Variants in NKAIN2 observed in about 807,000 individuals in gnomAD.
The protein encoded by NKAIN2 is sodium/potassium transporting ATPase interacting 2.
Under a neutral mutation model 32.6 loss-of-function variants are expected in NKAIN2, and 14 were observed. That is an observed-to-expected ratio of 0.43 (90% CI 0.28 to 0.67). The LOEUF is 0.67. Ranked by LOEUF, NKAIN2 falls within the 30% of genes least tolerant of loss-of-function variation. The probability of loss-of-function intolerance (pLI) is 0.17; values close to 1 mark genes in which losing one functional copy is unlikely to be tolerated. For missense variants in NKAIN2, 198 were observed against 258.3 expected, an observed-to-expected ratio of 0.77 and a Z score of 1.60; for synonymous variants, 80 against 87.2, an observed-to-expected ratio of 0.92 and a Z score of 0.46.
intron 4 of NKAIN2, among the ~76,000 whole-genome samples, chr6:124,750,652 T>A (rs767302227): frequency 1.3e-4 from 20 of 152,028 alleles, no homozygotes; most frequent in Admixed American, 9.2e-4. Context: ...CTGTGTTGTT[T>A]TGTCTTTTTA....
intron 1 of NKAIN2, among the ~76,000 whole-genome samples, chr6:124,047,380 A>G (rs1048191686): frequency 2.6e-5 from 4 of 152,030 alleles, no homozygotes; most frequent in African/African-American, 7.2e-5. Context: ...TCGTATGTCT[A>G]TAAAATGCAA....
chr6:124,704,617 TGA>T (rs908271398), intron 4 of NKAIN2, among the ~76,000 whole-genome samples: 13 of 148,542 alleles, frequency 8.8e-5, no homozygotes, highest in Admixed American at 8.2e-4. Context: ...AAACAAAAAG[TGA>T]GAGAGAGAGG....
At chr6:124,014,106 A>T (rs1033180319) in intron 1 of NKAIN2, among the ~76,000 whole-genome samples, 3 of 152,162 alleles carry the variant, frequency 2.0e-5, no homozygotes, top group Admixed American at 2.0e-4. Flanking sequence ...CTTTAAATTC[A>T]TTGTTCCTTC....
intron 1 of NKAIN2, among the ~76,000 whole-genome samples, chr6:123,807,442 A>G (rs1773265159): frequency 6.6e-6 from 1 of 152,036 alleles, no homozygotes; most frequent in Non-Finnish European, 1.5e-5. Flanking sequence ...ATACTCAGAA[A>G]CTGAAGATTT....
intron 3 of NKAIN2, among the ~76,000 whole-genome samples, chr6:124,480,046 T>C (rs1429270499): frequency 2.0e-5 from 3 of 152,188 alleles, no homozygotes; most frequent in Admixed American, 6.5e-5. Flanking sequence ...GAAAATACAA[T>C]CTTATTTTAG....
At chr6:124,359,241 G>C (rs1219051074) in intron 3 of NKAIN2, among the ~76,000 whole-genome samples, 8 of 150,558 alleles carry the variant, frequency 5.3e-5, no homozygotes, top group South Asian at 2.1e-4. Context: ...GCTTAGGATT[G>C]ACTTGGCAAT....
intron 2 of NKAIN2, among the ~76,000 whole-genome samples, chr6:124,346,044 C>T (rs530034537): frequency 9.9e-5 from 15 of 152,034 alleles, no homozygotes; most frequent in South Asian, 6.2e-4. Flanking sequence ...TCTTTGTTCT[C>T]GTTGGTTTCA....
At chr6:124,464,978 T>C (rs1345170315) in intron 3 of NKAIN2, among the ~76,000 whole-genome samples, 1 of 151,958 alleles carries the variant, frequency 6.6e-6, no homozygotes, top group Non-Finnish European at 1.5e-5. Flanking sequence ...ATTTTCACAA[T>C]ATTGATTCTT....
intron 1 of NKAIN2, among the ~76,000 whole-genome samples, chr6:124,008,652 T>A (rs1015581592): frequency 4.6e-5 from 7 of 152,058 alleles, no homozygotes; most frequent in African/African-American, 1.2e-4. Context: ...TTTATGAAAA[T>A]CCTTGCTGAT....
Position 124,004,670 on chromosome 6 carries a change from T to C in NKAIN2, c.54+200416T>C, listed in dbSNP as rs1224448868. 1.3e-5 allele frequency among the ~76,000 whole-genome samples: 2 copies of C among 151,524 alleles called. 1 individual carries two copies. The highest frequency in any genetic ancestry group is 3.9e-4 in the East Asian group (2 of 5,126). Reference sequence around the variant, plus strand: ...GATGGGAATTGAACAATGAGAACACTTGGACACAGGGTGGGGAACATCACA... The same window carrying C: ...GATGGGAATTGAACAATGAGAACACCTGGACACAGGGTGGGGAACATCACA... On this transcript the variant is annotated intron_variant, in intron 1 of 6. Transcript: ENST00000368417.
intron 1 of NKAIN2, among the ~76,000 whole-genome samples, chr6:123,990,700 A>G (rs532052128): frequency 6.6e-6 from 1 of 152,120 alleles, no homozygotes; most frequent in Non-Finnish European, 1.5e-5. Context: ...TGGAATCTAA[A>G]CCATAACCAC....
intron 2 of NKAIN2, among the ~76,000 whole-genome samples, chr6:124,288,653 T>A (rs1795669112): frequency 1.3e-5 from 2 of 152,158 alleles, no homozygotes; most frequent in South Asian, 4.1e-4. Flanking sequence ...CATATATGCA[T>A]ATGTACACAT....
chr6:123,865,173 A>G (rs1775934266), intron 1 of NKAIN2, among the ~76,000 whole-genome samples: 1 of 152,140 alleles, frequency 6.6e-6, no homozygotes, highest in African/African-American at 2.4e-5. Flanking sequence ...TGCTACTGAC[A>G]AATTAATATA....
chr6:124,130,301 A>G (rs1424188750), intron 1 of NKAIN2, among the ~76,000 whole-genome samples: 1 of 152,186 alleles, frequency 6.6e-6, no homozygotes, highest in Non-Finnish European at 1.5e-5. Flanking sequence ...CAACTTTGAT[A>G]ATGTTCTTTT....
chr6:124,130,508 A>G (rs1178559191), intron 1 of NKAIN2, among the ~76,000 whole-genome samples: 2 of 152,006 alleles, frequency 1.3e-5, no homozygotes, highest in Non-Finnish European at 2.9e-5. Flanking sequence ...AAATATGTAT[A>G]TTTGCTCTTT....
chr6:123,863,532 C>T (rs1775869467), intron 1 of NKAIN2, among the ~76,000 whole-genome samples: 1 of 152,200 alleles, frequency 6.6e-6, no homozygotes, highest in South Asian at 2.1e-4. Context: ...CGGATCATTA[C>T]TTAAGTTGTG....
chr6:124,502,503 G>T (rs1373956484), intron 3 of NKAIN2, among the ~76,000 whole-genome samples: 1 of 152,158 alleles, frequency 6.6e-6, no homozygotes, highest in African/African-American at 2.4e-5. Flanking sequence ...AATCTCCCAT[G>T]TGCAAAAATG....
intron 4 of NKAIN2, among the ~76,000 whole-genome samples, chr6:124,687,262 T>TTC (rs1246076047): frequency 3.5e-5 from 5 of 141,246 alleles, no homozygotes; most frequent in Non-Finnish European, 6.1e-5. Context: ...CCTATATATA[T>TTC]TCTCTCTATA....
intron 3 of NKAIN2, among the ~76,000 whole-genome samples, chr6:124,359,105 G>T (rs1209794258): frequency 1.3e-5 from 2 of 152,114 alleles, no homozygotes; most frequent in Non-Finnish European, 2.9e-5. Context: ...TTATTTCTGA[G>T]GGCCCTGTTC....
Sources: allele counts gnomAD v4.1 joint callset (sites outside exome capture counted in the v4.1 genomes callset), GRCh38; gene constraint gnomAD v4.1.1; transcripts MANE v1.5; gene names NCBI Gene and HGNC (gene_info 2026-07-23, HGNC 2026-07-21).